SNTG2: variants seen among roughly 807,000 people sequenced by gnomAD.
The protein encoded by SNTG2 is gamma-2-syntrophin.
Under a neutral mutation model 70.9 loss-of-function variants are expected in SNTG2, and 74 were observed. That is an observed-to-expected ratio of 1.04 (90% CI 0.86 to 1.27). The LOEUF is 1.27. Among genes scored for constraint, SNTG2 ranks in the 50% most tolerant of loss-of-function variants. The probability of loss-of-function intolerance (pLI) is 0.00; values close to 1 mark genes in which losing one functional copy is unlikely to be tolerated. For missense variants in SNTG2, 717 were observed against 690.7 expected (o/e 1.04, Z -0.43); for synonymous variants, 278 against 273.8 (o/e 1.02, Z -0.15).
At chr2:1,271,832 T>G (rs1438845910) in intron 14 of SNTG2, among the ~76,000 whole-genome samples, 3 of 152,132 alleles carry the variant, frequency 2.0e-5, no homozygotes, top group Non-Finnish European at 4.4e-5. Context: ...CATTGGCTGA[T>G]TGGCTTCTCA....
intron 1 of SNTG2, among the ~76,000 whole-genome samples, chr2:1,048,975 T>G (rs1661899747): frequency 6.6e-6 from 1 of 152,178 alleles, no homozygotes. Flanking sequence ...CCTTTTTATT[T>G]TGGGTATTAT....
chr2:1,010,932 T>C (rs1659713969), intron 1 of SNTG2, among the ~76,000 whole-genome samples: 1 of 152,158 alleles, frequency 6.6e-6, no homozygotes, highest in Admixed American at 6.5e-5. Flanking sequence ...AATAGAAAAG[T>C]GGAACTGAGT....
At chr2:996,632 T>G (rs751012336) in intron 1 of SNTG2, among the ~76,000 whole-genome samples, 2 of 150,296 alleles carry the variant, frequency 1.3e-5, no homozygotes, top group Non-Finnish European at 3.0e-5. Context: ...GGAAACCAGT[T>G]TAGCTTTGCT....
intron 1 of SNTG2, among the ~76,000 whole-genome samples, chr2:1,031,528 A>ATATTTTTTT: frequency 1.7e-5 from 1 of 59,142 alleles, no homozygotes; most frequent in Non-Finnish European, 3.1e-5. Context: ...ATATATATAT[A>ATATTTTTTT]TTTTTTTTTT....
intron 6 of SNTG2, chr2:1,160,215 A>T (rs925899658): frequency 3.3e-5 from 5 of 152,194 alleles, no homozygotes; most frequent in African/African-American, 1.2e-4. Flanking sequence ...TACATTGTAT[A>T]TCTGATCAAT....
At chr2:1,031,730 C>T (rs1234380843) in intron 1 of SNTG2, among the ~76,000 whole-genome samples, 1 of 151,302 alleles carries the variant, frequency 6.6e-6, no homozygotes, top group African/African-American at 2.4e-5. Flanking sequence ...TAATGAAGTA[C>T]TGATACATGC....
intron 1 of SNTG2, among the ~76,000 whole-genome samples, chr2:983,230 G>A (rs1661177935): frequency 6.6e-6 from 1 of 151,118 alleles, no homozygotes; most frequent in Non-Finnish European, 1.5e-5. Context: ...CTGCAGAGGT[G>A]GAGGTTGGGA....
chr2:991,372 T>TACACACACACATACACAC (rs370317783), intron 1 of SNTG2, among the ~76,000 whole-genome samples: 31 of 140,354 alleles, frequency 2.2e-4, no homozygotes, highest in African/African-American at 7.6e-4. Context: ...TCTGTAATAT[T>TACACACACACATACACAC]ACACACACAC....
chr2:1,275,456 A>G (rs1331429657), intron 14 of SNTG2, among the ~76,000 whole-genome samples: 2 of 152,194 alleles, frequency 1.3e-5, no homozygotes, highest in Non-Finnish European at 2.9e-5. Context: ...TTATCACTAT[A>G]TCTGTCACCG....
chr2:1,241,180 GAGCCGCAGCTTCTGGT>G (rs1402611690), intron 11 of SNTG2, among the ~76,000 whole-genome samples: 4 of 152,206 alleles, frequency 2.6e-5, no homozygotes, highest in African/African-American at 9.7e-5. Context: ...ATCTTAGGAG[GAGCCGCAGCTTCTGGT>G]ATTTCTCAGT....
chr2:1,034,609 C>A (rs4971340), intron 1 of SNTG2, among the ~76,000 whole-genome samples: 66,313 of 152,080 alleles, frequency 0.44, 15,538 homozygotes, highest in African/African-American at 0.61. Context: ...TCTGCAACAT[C>A]ACCAGCATCT....
chr2:1,083,619 T>A lies in SNTG2; in HGVS notation c.174T>A (p.Asp58Glu), dbSNP rs747724476. Residue 58 changes from aspartate (D) to glutamate (E), a missense_variant, in exon 2 of 17, where the codon GAT becomes GAA. Asp to Glu is a conservative substitution (Grantham distance 45, BLOSUM62 2). Coordinates refer to ENST00000308624, the MANE Select transcript of SNTG2 (RefSeq NM_018968.4). Reference protein sequence around the residue: ...TKEVLTIQKQDVVCVGGSHQG... With the variant: ...TKEVLTIQKQEVVCVGGSHQG... ...AGGTGCTGACAATTCAGAAACAAGA[T>A]GTTGTCTGTGTGGGCGGAAGCCACC... 4 of 1,613,676 alleles carry A rather than the reference T, an allele frequency of 2.5e-6. No individual in the cohort carries two copies. In the Admixed American group the frequency reaches 5.0e-5, roughly 20 times the overall value.
intron 1 of SNTG2, among the ~76,000 whole-genome samples, chr2:974,513 A>T (rs1330949390): frequency 1.3e-5 from 2 of 152,146 alleles, no homozygotes; most frequent in African/African-American, 4.8e-5. Flanking sequence ...CAGGAGCTGG[A>T]CACTGGTTTC....
intron 14 of SNTG2, among the ~76,000 whole-genome samples, chr2:1,280,308 TA>T (rs1221536658): frequency 6.6e-6 from 1 of 152,212 alleles, no homozygotes; most frequent in Non-Finnish European, 1.5e-5. Context: ...ATTACACAAT[TA>T]AGTTTTAGAT....
intron 1 of SNTG2, among the ~76,000 whole-genome samples, chr2:1,053,869 CCTT>C (rs1043126964): frequency 7.9e-5 from 12 of 152,082 alleles, no homozygotes; most frequent in Non-Finnish European, 1.6e-4. Flanking sequence ...CATGGTCCCT[CCTT>C]CTCACCTCCT....
At chr2:1,271,236 G>C (rs1207693095) in intron 14 of SNTG2, among the ~76,000 whole-genome samples, 1 of 152,130 alleles carries the variant, frequency 6.6e-6, no homozygotes, top group Admixed American at 6.5e-5. Flanking sequence ...CTCCCAAGCT[G>C]AGGTACAAAT....
intron 1 of SNTG2, among the ~76,000 whole-genome samples, chr2:973,484 T>A (rs1660810604): frequency 6.6e-6 from 1 of 151,888 alleles, no homozygotes; most frequent in South Asian, 2.1e-4. Flanking sequence ...TATTAACCTG[T>A]TTGGGATTCT....
chr2:1,271,878 A>T (rs1679040196), intron 14 of SNTG2, among the ~76,000 whole-genome samples: 1 of 151,940 alleles, frequency 6.6e-6, no homozygotes, highest in African/African-American at 2.4e-5. Context: ...GCTTCTCATC[A>T]AGGGAATGCC....
chr2:1,229,633 G>A (rs1416933727), intron 9 of SNTG2, among the ~76,000 whole-genome samples: 4 of 152,204 alleles, frequency 2.6e-5, no homozygotes, highest in African/African-American at 9.6e-5. Context: ...ATGGAACTGG[G>A]CGCTGTGGAG....
Sources: allele counts gnomAD v4.1 joint callset (sites outside exome capture counted in the v4.1 genomes callset), GRCh38; gene constraint gnomAD v4.1.1; transcripts MANE v1.5; gene names NCBI Gene and HGNC (gene_info 2026-07-23, HGNC 2026-07-21).